PON3: variants seen among roughly 807,000 people sequenced by gnomAD.
PON3 encodes the protein serum paraoxonase/lactonase 3.
PON3 carries 37 observed loss-of-function variants against 36.3 expected under a neutral mutation model. The observed-to-expected ratio is 1.02, with a 90% confidence interval of 0.78 to 1.34. The LOEUF (loss-of-function observed/expected upper bound fraction) is 1.34, where lower values mean the gene tolerates loss of function less well. Ranked by LOEUF, PON3 falls within the 40% of genes most tolerant of loss-of-function variation. The pLI, the probability that PON3 is intolerant of heterozygous loss-of-function variation, is 0.00. For synonymous variants in PON3, 155 were observed against 154.8 expected, an observed-to-expected ratio of 1.00 and a Z score of -0.01; for missense variants, 415 against 426.5, an observed-to-expected ratio of 0.97 and a Z score of 0.24.
At chr7:95,382,501 TA>T (rs1407723088) in intron 3 of PON3, among the ~76,000 whole-genome samples, 1 of 151,946 alleles carries the variant, frequency 6.6e-6, no homozygotes, top group East Asian at 1.9e-4. Flanking sequence ...ATAGATGCAA[TA>T]AAAAATGATA....
At chr7:95,367,280 G>C (rs1002954069) in intron 5 of PON3, 82 bp downstream of exon 5, 1 of 1,531,746 alleles carries the variant, frequency 6.5e-7, no homozygotes, top group East Asian at 2.3e-5. Context: ...AAAAGTTTAA[G>C]AAAGCCTGCT....
intron 1 of PON3, 134 bp downstream of exon 1, chr7:95,396,143 T>G: frequency 1.0e-6 from 1 of 962,832 alleles, no homozygotes; most frequent in Non-Finnish European, 1.7e-6. Context: ...GGCGGTTTGC[T>G]GGGTGAGATG....
rs1490309380 is a variant in PON3, at chr7:95,387,443, CAAG to C, written c.201+2708_201+2710del. 3.9e-5 allele frequency among the ~76,000 whole-genome samples: 6 copies of C among 152,130 alleles called. No homozygotes were observed. In the South Asian group the frequency reaches 8.3e-4, roughly 21 times the overall value. On this transcript the variant is annotated intron_variant, in intron 3 of 8. Transcript: ENST00000265627. ...TTACAAGGGATGTGAACGACCTCTT[CAAG>C]AAGAACTACAAACCACTGCTCAACA... is the stretch of plus-strand genomic sequence containing the variant.
At chr7:95,393,996 A>AGCCTTCCG (rs1809375819) in intron 2 of PON3, among the ~76,000 whole-genome samples, 1 of 152,128 alleles carries the variant, frequency 6.6e-6, no homozygotes, top group Non-Finnish European at 1.5e-5. Flanking sequence ...TCCCTGGTTC[A>AGCCTTCCG]AGTGATTCTC....
At chr7:95,379,416 C>T (rs538156685) in intron 3 of PON3, among the ~76,000 whole-genome samples, 129 of 152,364 alleles carry the variant, frequency 8.5e-4, no homozygotes, top group Middle Eastern at 6.8e-3. Flanking sequence ...ATCACCTCAG[C>T]CGGGAAGTGC....
intron 1 of PON3, 151 bp downstream of exon 1, chr7:95,396,126 C>G: frequency 4.9e-6 from 4 of 824,444 alleles, no homozygotes; most frequent in Non-Finnish European, 8.5e-6. Context: ...ATAAGCGAGT[C>G]TCAAGGGGCG....
intron 4 of PON3, 127 bp from the exon 5 acceptor site, chr7:95,367,615 A>G (rs1808727887): frequency 1.0e-6 from 1 of 964,204 alleles, no homozygotes; most frequent in Non-Finnish European, 1.6e-6. Flanking sequence ...CTCACAGTCT[A>G]CATGATAGGT....
intron 5 of PON3, chr7:95,364,473 C>CAATGA (rs1210754318): frequency 1.4e-4 from 37 of 263,018 alleles, no homozygotes; most frequent in East Asian, 2.0e-4. Flanking sequence ...TTGCTTTGGC[C>CAATGA]AATGAAATGA....
chr7:95,382,398 A>G (rs2116407911), intron 3 of PON3, among the ~76,000 whole-genome samples: 1 of 152,314 alleles, frequency 6.6e-6, no homozygotes, highest in African/African-American at 2.4e-5. Context: ...CCTTCAAAAA[A>G]TCAATGAATC....
chr7:95,383,371 A>G (rs1205410596), intron 3 of PON3, among the ~76,000 whole-genome samples: 17 of 152,304 alleles, frequency 1.1e-4, no homozygotes, highest in Admixed American at 2.0e-4. Flanking sequence ...GGCAGGAGAA[A>G]GAAATAAAGG....
At chr7:95,373,481 G>T (rs1204589958) in intron 3 of PON3, among the ~76,000 whole-genome samples, 1 of 152,184 alleles carries the variant, frequency 6.6e-6, no homozygotes, top group Admixed American at 6.5e-5. Context: ...CATCAGAGGA[G>T]GCACTGTTCC....
rs1809010736 is a variant in PON3 at position 95,380,016 on chromosome 7, ACAAT to A, written c.202-7682_202-7679del. On this transcript the variant is annotated intron_variant, in intron 3 of 8. Transcript: ENST00000265627. ...CCTCTGAGACGAAACCTCCAGAGGA[ACAAT>A]CAAACAGTAACATTTGCTGTTCAGC... 2.0e-5 allele frequency among the ~76,000 whole-genome samples: 3 copies of A among 152,332 alleles called. No homozygotes were observed. The South Asian group carries it at 6.2e-4, about 32-fold the overall frequency.
chr7:95,392,844 G>C (rs1252529000), intron 2 of PON3, among the ~76,000 whole-genome samples: 2 of 152,218 alleles, frequency 1.3e-5, no homozygotes, highest in Non-Finnish European at 2.9e-5. Flanking sequence ...ACAGGGTCCA[G>C]CGTCCCTAAA....
intron 6 of PON3, chr7:95,363,471 G>A (rs1808622519): frequency 3.9e-6 from 1 of 255,946 alleles, no homozygotes; most frequent in African/African-American, 2.2e-5. Flanking sequence ...CCAATCTAAG[G>A]TAGCCTTCCC....
At chr7:95,383,550 A>G (rs1224498725) in intron 3 of PON3, among the ~76,000 whole-genome samples, 5 of 152,318 alleles carry the variant, frequency 3.3e-5, no homozygotes, top group Admixed American at 3.3e-4. Context: ...GCATTCTTAT[A>G]CACCAATAAC....
At chr7:95,394,053 A>C (rs10953146) in intron 2 of PON3, among the ~76,000 whole-genome samples, 81,948 of 151,820 alleles carry the variant, frequency 0.54, 22,670 homozygotes, top group East Asian at 0.78. Flanking sequence ...CACGCCGCCA[A>C]CATGCCCGGC....
chr7:95,393,004 C>T (rs17774169), intron 2 of PON3, among the ~76,000 whole-genome samples: 27,987 of 152,120 alleles, frequency 0.18, 3,564 homozygotes, highest in East Asian at 0.59. Context: ...TTTTTAAAAA[C>T]AATTCAGGAA....
chr7:95,366,114 T>G (rs1046011159), intron 5 of PON3, among the ~76,000 whole-genome samples: 11 of 152,174 alleles, frequency 7.2e-5, no homozygotes, highest in African/African-American at 2.7e-4. Context: ...TTCTCAAGTC[T>G]GCTTCCTGGG....
chr7:95,381,462 C>T (rs1809052473), intron 3 of PON3, among the ~76,000 whole-genome samples: 2 of 152,132 alleles, frequency 1.3e-5, no homozygotes, highest in Non-Finnish European at 2.9e-5. Context: ...AAACCCATCT[C>T]ATGTGCAGAG....
Sources: gnomAD v4.1 joint callset for allele counts (sites outside exome capture counted in the v4.1 genomes callset) on GRCh38, gnomAD v4.1.1 for gene constraint, MANE v1.5 for transcripts, NCBI Gene and HGNC (gene_info 2026-07-23, HGNC 2026-07-21) for gene names.